Variants in ABCB7 observed in about 807,000 individuals in gnomAD.
ABCB7 encodes ATP binding cassette subfamily B member 7.
ABCB7 carries 7 observed loss-of-function variants against 54.4 expected under a neutral mutation model. The ratio of observed to expected loss-of-function variants is 0.13; its 90% confidence interval spans 0.07 to 0.24. The LOEUF (loss-of-function observed/expected upper bound fraction) is 0.24, where lower values mean the gene tolerates loss of function less well. Among genes scored for constraint, ABCB7 ranks in the 10% least tolerant of loss-of-function variants. ABCB7 has a pLI of 1.00. For missense variants in ABCB7, 356 were observed against 570.4 expected, an observed-to-expected ratio of 0.62 and a Z score of 3.83; for synonymous variants, 218 against 207.1, an observed-to-expected ratio of 1.05 and a Z score of -0.45.
chrX:75,140,723 A>G (rs2082047695), intron 1 of ABCB7, among the ~76,000 whole-genome samples: 1 of 111,460 alleles, frequency 9.0e-6, no homozygotes. Flanking sequence ...AGGCTAGGAC[A>G]GGATTGGGAG....
At chrX:75,088,303 A>G (rs2081515689) in intron 4 of ABCB7, among the ~76,000 whole-genome samples, 1 of 112,858 alleles carries the variant, frequency 8.9e-6, no homozygotes, top group South Asian at 3.6e-4. Flanking sequence ...CAAAAGGCAA[A>G]GAAGAGTCTG....
In ABCB7 at chrX:75,156,205, T is replaced by C. The variant is rs2082175869; in HGVS notation, c.68A>G (p.His23Arg). Residue 23 changes from histidine to arginine, a missense_variant, in exon 1 of 16, where the codon CAC becomes CGC. His to Arg is a conservative substitution (Grantham distance 29). Around this residue, in one of 2 missense-constraint regions of ABCB7, gnomAD observed 115 missense variants for 99.5 expected, o/e 1.16. Transcript: ENST00000373394. Reference protein sequence around the residue: ...AAAAAFEKRRHSAILIRPLVS... With the variant: ...AAAAAFEKRRRSAILIRPLVS... ...TAAAGGCCGGATCAGAATCGCGGAGTGCCGGCGCTTTTCGAAAGCAGCCGC... is the reference window on the plus strand; with the variant it reads ...TAAAGGCCGGATCAGAATCGCGGAGCGCCGGCGCTTTTCGAAAGCAGCCGC... The C allele has an allele frequency of 1.7e-6, 2 of 1,203,188 alleles. No individual in the cohort carries two copies. The highest frequency in any genetic ancestry group is 3.5e-5 in the African/African-American group (2 of 56,978).
chrX:75,156,073 C>T, intron 1 of ABCB7, 32 bp downstream of exon 1: 1 of 1,207,696 alleles, frequency 8.3e-7, no homozygotes. Context: ...CCTTGCCCTT[C>T]ACCCTATTCT....
chrX:75,155,984 G>A, intron 1 of ABCB7, 121 bp downstream of exon 1: 2 of 812,870 alleles, frequency 2.5e-6, no homozygotes, highest in Admixed American at 5.5e-5. Flanking sequence ...ACTTACTGCT[G>A]CTCCCAGTTA....
chrX:75,121,813 C>T (rs745953013), intron 1 of ABCB7, among the ~76,000 whole-genome samples: 1 of 112,185 alleles, frequency 8.9e-6, no homozygotes, highest in Non-Finnish European at 1.9e-5. Context: ...ACTTATTAAC[C>T]TTCCAGATAT....
In ABCB7 at chrX:75,104,047, G is replaced by GTTTTTTTTTTTTTTTTTTTTTTTT; in HGVS notation, c.334-5010_334-4987dup. 2.2e-3 allele frequency among the ~76,000 whole-genome samples: 30 copies of GTTTTTTTTTTTTTTTTTTTTTTTT among 13,444 alleles called. 10 individuals are homozygous for GTTTTTTTTTTTTTTTTTTTTTTTT. Among genetic ancestry groups the GTTTTTTTTTTTTTTTTTTTTTTTT allele is most frequent in the South Asian group, 9.3e-3 (1 of 108 alleles). 11.7% of individuals were successfully genotyped at this position (13,444 alleles called of 115,157 possible). A position where few individuals can be genotyped will look rare whatever the true frequency, so the allele number is the denominator to read the frequency against. On this transcript the variant is annotated intron_variant, in intron 3 of 15. Coordinates refer to ENST00000373394, the MANE Select transcript of ABCB7 (RefSeq NM_001271696.3). ...AAATGGGCATCCCTGTCTTGTTACA[G>GTTTTTTTTTTTTTTTTTTTTTTTT]TTTTTTTTTTTTTTTTTTTTTTTTT... is the stretch of plus-strand genomic sequence containing the variant.
chrX:75,055,519 C>A (rs1188833969), intron 15 of ABCB7, among the ~76,000 whole-genome samples: 1 of 71,963 alleles, frequency 1.4e-5, no homozygotes, highest in Admixed American at 2.3e-4. Context: ...CTAGCCTGGG[C>A]AACATGATGA....
intron 4 of ABCB7, among the ~76,000 whole-genome samples, chrX:75,080,336 A>G (rs970423536): frequency 1.8e-5 from 2 of 111,515 alleles, no homozygotes; most frequent in African/African-American, 6.5e-5. Flanking sequence ...ACAGAGTCTC[A>G]CTCTGTTGCC....
intron 4 of ABCB7, among the ~76,000 whole-genome samples, chrX:75,089,558 T>C (rs4892540): frequency 0.13 from 14,609 of 109,870 alleles, 1,626 homozygotes; most frequent in East Asian, 0.91. Flanking sequence ...ATAATCGGAA[T>C]GTTAAATGAT....
intron 4 of ABCB7, among the ~76,000 whole-genome samples, chrX:75,087,299 C>A (rs992227505): frequency 1.7e-4 from 19 of 111,898 alleles, no homozygotes; most frequent in African/African-American, 5.9e-4. Context: ...GGTACTCAGA[C>A]AATTTGAAAA....
At position 75,094,789 on chromosome X, in the gene ABCB7, T is replaced by C. The variant is rs770669141; in HGVS notation, c.453+4153A>G. 3.6e-5 allele frequency among the ~76,000 whole-genome samples: 4 copies of C among 110,943 alleles called. No individual in the cohort carries two copies. In the South Asian group the frequency reaches 1.5e-3, roughly 42 times the overall value. On this transcript the variant is annotated intron_variant, in intron 4 of 15. Coordinates refer to ENST00000373394, the MANE Select transcript of ABCB7 (RefSeq NM_001271696.3). ...ATATGATACTCCTATGATATATGTA[T>C]AGATGGTAAAAAAAATACATTACAT...
intron 4 of ABCB7, 42 bp from the exon 5 acceptor site, chrX:75,076,696 A>G: frequency 1.7e-6 from 2 of 1,153,454 alleles, no homozygotes; most frequent in Admixed American, 4.4e-5. Context: ...TACACAAAAT[A>G]CTTATTTATA....
At chrX:75,147,387 C>T (rs2082099769) in intron 1 of ABCB7, among the ~76,000 whole-genome samples, 1 of 111,532 alleles carries the variant, frequency 9.0e-6, no homozygotes, top group Non-Finnish European at 1.9e-5. Context: ...CATTGCAGTA[C>T]CATTCACAAT....
chrX:75,056,592 A>C (rs1275811770), intron 15 of ABCB7, among the ~76,000 whole-genome samples: 1 of 111,626 alleles, frequency 9.0e-6, no homozygotes, highest in Non-Finnish European at 1.9e-5. Context: ...AACAGTATTT[A>C]GTGCCCAAGA....
chrX:75,129,165 T>C (rs2081956556), intron 1 of ABCB7, among the ~76,000 whole-genome samples: 3 of 112,126 alleles, frequency 2.7e-5, no homozygotes, highest in Admixed American at 9.5e-5. Context: ...ATTGCAGCAC[T>C]ATTCACAATA....
chrX:75,070,606 A>G lies in ABCB7; in HGVS notation c.1208-84T>C, dbSNP rs189475740. On this transcript the variant is annotated intron_variant, in intron 9 of 15. Coordinates refer to ENST00000373394, the MANE Select transcript of ABCB7 (RefSeq NM_001271696.3). ...TACGATAGGTTTATAGTCTATTACG[A>G]CGGAACAAAATATTCTTAATCAGCA... is the stretch of plus-strand genomic sequence containing the variant. The G allele has an allele frequency of 3.2e-6, 3 of 943,006 alleles. No individual in the cohort carries two copies. In the African/African-American group the frequency reaches 5.8e-5, roughly 18 times the overall value. The allele number at this position is 943,006 out of a possible 1,213,427, so 77.7% of individuals were successfully genotyped here.
At chrX:75,120,283 T>C (rs770970204) in intron 1 of ABCB7, among the ~76,000 whole-genome samples, 1 of 112,528 alleles carries the variant, frequency 8.9e-6, no homozygotes, top group East Asian at 2.8e-4. Context: ...TCTTAATTTA[T>C]GGAAATATAG....
At chrX:75,056,126 T>G (rs1366202704) in intron 15 of ABCB7, among the ~76,000 whole-genome samples, 2 of 111,876 alleles carry the variant, frequency 1.8e-5, no homozygotes, top group Non-Finnish European at 3.8e-5. Context: ...GTTTCTCTAT[T>G]TCTCTATTTT....
chrX:75,053,672 G>A, intron 15 of ABCB7, 87 bp from the exon 16 acceptor site: 2 of 1,133,160 alleles, frequency 1.8e-6, no homozygotes, highest in Non-Finnish European at 2.4e-6. Flanking sequence ...TAACTAAGGA[G>A]TTTGAAGGAT....
Sources: allele counts gnomAD v4.1 joint callset (sites outside exome capture counted in the v4.1 genomes callset), GRCh38; gene constraint gnomAD v4.1.1; regional missense constraint gnomAD v4.1.1; transcripts MANE v1.5; gene names NCBI Gene and HGNC (gene_info 2026-07-23, HGNC 2026-07-21).